Variants in DENND1C observed in about 807,000 individuals in gnomAD.
DENND1C encodes DENN domain containing 1C.
A neutral mutation model predicts 87.9 loss-of-function variants in DENND1C; 64 were observed. The observed-to-expected ratio is 0.73, with a 90% CI of 0.60 to 0.90. DENND1C has a LOEUF of 0.90. Ranked by LOEUF, DENND1C falls within the 40% of genes least tolerant of loss-of-function variation. The pLI is 0.00. For synonymous variants in DENND1C, 384 were observed against 424.4 expected (o/e 0.90, Z 1.17); for missense variants, 980 against 1,037.0 (o/e 0.95, Z 0.76).
At chr19:6,473,461 T>TTG (rs2092841060) in intron 14 of DENND1C, among the ~76,000 whole-genome samples, 1 of 36,558 alleles carries the variant, frequency 2.7e-5, no homozygotes, top group African/African-American at 6.3e-5. Context: ...CCCTGGTTTT[T>TTG]TTTTTTTTTT....
intron 14 of DENND1C, 57 bp from the exon 15 acceptor site, chr19:6,473,050 C>G: frequency 7.7e-7 from 1 of 1,294,542 alleles, no homozygotes. Flanking sequence ...CTCCCTCATT[C>G]TACTATATAT....
chr19:6,467,471 GA>G lies in DENND1C; in HGVS notation c.*32del. The G allele has an allele frequency of 1.3e-6, 2 of 1,490,430 alleles. No homozygotes were observed. The highest frequency in any genetic ancestry group is 1.8e-6 in the Non-Finnish European group (2 of 1,120,310). The allele number at this position is 1,490,430 out of a possible 1,614,324, so 92.3% of individuals were successfully genotyped here. A position where few individuals can be genotyped will look rare whatever the true frequency, so the allele number is the denominator to read the frequency against. On this transcript the variant is annotated 3_prime_UTR_variant, in exon 23 of 23. Coordinates refer to ENST00000381480, the MANE Select transcript of DENND1C (RefSeq NM_024898.4). Reference sequence around the variant, plus strand: ...TTTTTTGGGCTCTTGTGGCTTTATTGAGGGACTGGGGTCTCTCTTGGACCCC... The same window carrying G: ...TTTTTTGGGCTCTTGTGGCTTTATTGGGGACTGGGGTCTCTCTTGGACCCC...
At chr19:6,480,944 C>T (rs1332695177) in intron 1 of DENND1C, among the ~76,000 whole-genome samples, 1 of 143,676 alleles carries the variant, frequency 7.0e-6, no homozygotes, top group African/African-American at 2.5e-5. Flanking sequence ...AGTGTGTGTG[C>T]CCGAGCAAGT....
chr19:6,467,578 T>G lies in DENND1C; in HGVS notation c.2332A>C (p.Thr778Pro), dbSNP rs73920676. The G allele has an allele frequency of 2.1e-3, 3,382 of 1,605,566 alleles. 72 individuals are homozygous for G. The African/African-American group carries it at 0.041, about 20-fold the overall frequency. ...GGCTGGGACTTTTGACAGTTGCTGGTGGGTGTAGCAGGGGAATTCAGGGCT... is the reference window on the plus strand; with the variant it reads ...GGCTGGGACTTTTGACAGTTGCTGGGGGGTGTAGCAGGGGAATTCAGGGCT... ...PGALNSPATP[T>P]SNCQKSQPSS... is the part of the protein sequence containing the mutation. Residue 778 changes from threonine (T) to proline (P), a missense_variant, in exon 23 of 23, where the codon ACC (threonine) becomes CCC (proline). Transcript: ENST00000381480.
rs759200988 is a variant in DENND1C at position 6,481,688 on chromosome 19, G to A, written c.8C>T (p.Ser3Phe). The change falls in exon 1 of 23, where the codon TCC becomes TTC. Residue 3 changes from serine to phenylalanine, a missense_variant. Ser to Phe is a radical substitution (Grantham distance 155). Transcript: ENST00000381480. The part of the protein sequence containing the change: ME[S>F]RAEGGSPAVF... Reference sequence around the variant, plus strand: ...ATGGGGTGGCTCTTACTCAGCTCTGGATTCCATGGTCCCTGCAGGGCCAGC... The same window carrying A: ...ATGGGGTGGCTCTTACTCAGCTCTGAATTCCATGGTCCCTGCAGGGCCAGC... The A allele has an allele frequency of 4.4e-6, 7 of 1,604,462 alleles. No homozygotes were observed. Among genetic ancestry groups the A allele is most frequent in the Non-Finnish European group, 6.0e-6 (7 of 1,175,362 alleles).
At chr19:6,469,490 C>G in intron 19 of DENND1C, 106 bp downstream of exon 19, 1 of 1,121,778 alleles carries the variant, frequency 8.9e-7, no homozygotes, top group Non-Finnish European at 1.3e-6. Context: ...CACTATATTG[C>G]CCAAGCTGGT....
intron 4 of DENND1C, among the ~76,000 whole-genome samples, 181 bp from the exon 5 acceptor site, chr19:6,479,237 C>T (rs2092882660): frequency 6.6e-6 from 1 of 151,424 alleles, no homozygotes; most frequent in Non-Finnish European, 1.5e-5. Context: ...CCCTGGATCT[C>T]TGGGTCCCTG....
intron 11 of DENND1C, 38 bp from the exon 12 acceptor site, chr19:6,475,789 C>T (rs1361263203): frequency 6.5e-7 from 1 of 1,528,712 alleles, no homozygotes; most frequent in Admixed American, 2.1e-5. Context: ...AGGCACCGCC[C>T]CCAGGGCCTG....
intron 3 of DENND1C, 33 bp downstream of exon 3, chr19:6,479,826 C>G: frequency 6.2e-7 from 1 of 1,613,342 alleles, no homozygotes. Context: ...GACTGGCCCT[C>G]GCCCTGGGGG....
At chr19:6,468,704 T>C (rs2092810719) in intron 20 of DENND1C, 59 bp from the exon 21 acceptor site, 1 of 1,411,436 alleles carries the variant, frequency 7.1e-7, no homozygotes, top group Admixed American at 2.8e-5. Context: ...GGCTGAGGCT[T>C]GCTGGAGAAG....
intron 4 of DENND1C, among the ~76,000 whole-genome samples, chr19:6,479,431 G>GGTCCCTGT (rs1555750707): frequency 2.1e-5 from 3 of 142,064 alleles, no homozygotes; most frequent in Admixed American, 6.8e-5. Flanking sequence ...TGAGTCCCTG[G>GGTCCCTGT]GTCCCTGGGT....
At chr19:6,469,744 A>G (rs957338851) in intron 18 of DENND1C, 104 bp from the exon 19 acceptor site, 38 of 1,223,478 alleles carry the variant, frequency 3.1e-5, no homozygotes, top group East Asian at 2.6e-5. Flanking sequence ...TGCCATCTGC[A>G]TGTCTCAAAT....
rs2092801322 is a variant in DENND1C, at chr19:6,467,463, G to C, written c.*41C>G. On this transcript the variant is annotated 3_prime_UTR_variant, in exon 23 of 23. Coordinates refer to ENST00000381480, the MANE Select transcript of DENND1C (RefSeq NM_024898.4). ...AAACCAGCTTTTTTGGGCTCTTGTG[G>C]CTTTATTGAGGGACTGGGGTCTCTC... is the stretch of plus-strand genomic sequence containing the variant. The C allele has an allele frequency of 6.7e-7, 1 of 1,484,088 alleles. No individual in the cohort carries two copies. The highest frequency in any genetic ancestry group is 9.0e-7 in the Non-Finnish European group (1 of 1,116,988). 91.9% of individuals were successfully genotyped at this position (1,484,088 alleles called of 1,614,324 possible). A position where few individuals can be genotyped will look rare whatever the true frequency, so the allele number is the denominator to read the frequency against.
rs150554676 is a variant in DENND1C at position 6,468,580 on chromosome 19, C to G, written c.1581G>C (p.Ala527=). Residue 527 remains alanine (A), a splice_region_variant and synonymous_variant, in exon 21 of 23, where the codon GCG becomes GCC. Transcript: ENST00000381480. ...LEEGTSEPPG[A]GTPPLSPEDE... is the part of the protein sequence containing the mutation. ...CTGCTGTTCCCTTTTTGCCTTACCC[C>G]GCCCCTGGGGGCTCGGAAGTTCCCT... The G allele has an allele frequency of 6.5e-7, 1 of 1,537,264 alleles. No individual in the cohort carries two copies. The highest frequency in any genetic ancestry group is 1.4e-5 in the African/African-American group (1 of 72,646).
At chr19:6,478,756 C>T (rs775366941) in intron 6 of DENND1C, 27 bp downstream of exon 6, 3 of 1,601,922 alleles carry the variant, frequency 1.9e-6, no homozygotes, top group Admixed American at 1.7e-5. Flanking sequence ...GGGACTCCCA[C>T]AGGAGTGAGA....
rs1386701409 is a variant in DENND1C, at chr19:6,476,476, T to C, written c.678+381A>G. ...TTATCTGAGTCCCTGTGTTCCTAGGTCCCTGGGTATTCGGGTCCCTGGGTC... is the reference window on the plus strand; with the variant it reads ...TTATCTGAGTCCCTGTGTTCCTAGGCCCCTGGGTATTCGGGTCCCTGGGTC... On this transcript the variant is annotated intron_variant, in intron 10 of 22. Coordinates refer to ENST00000381480, the MANE Select transcript of DENND1C (RefSeq NM_024898.4). The C allele has an allele frequency of 1.5e-5, 3 of 203,366 alleles. No homozygotes were observed. In the East Asian group the frequency reaches 4.0e-4, roughly 27 times the overall value. 12.6% of individuals were successfully genotyped at this position (203,366 alleles called of 1,614,324 possible).
Position 6,467,696 on chromosome 19 carries a change from G to A in DENND1C, c.2214C>T (p.Ser738=), listed in dbSNP as rs1481603440. 6.6e-7 allele frequency: 1 copy of A among 1,520,688 alleles called. No homozygotes were observed. Among genetic ancestry groups the A allele is most frequent in the South Asian group, 1.3e-5 (1 of 75,274 alleles). The allele number at this position is 1,520,688 out of a possible 1,614,324, so 94.2% of individuals were successfully genotyped here. ...GGTCCTCCAGAGAACTGGGGTCTGA[G>A]GAAGGATCAAGGGGCTGGGACGTCC... ...IAWTSQPLDP[S]SDPSSLEDPR... Residue 738 remains serine, a synonymous_variant, in exon 23 of 23, where the codon TCC becomes TCT. Coordinates refer to ENST00000381480, the MANE Select transcript of DENND1C (RefSeq NM_024898.4).
chr19:6,474,025 T>C (rs548890573), intron 14 of DENND1C, among the ~76,000 whole-genome samples: 1 of 151,974 alleles, frequency 6.6e-6, no homozygotes, highest in East Asian at 1.9e-4. Context: ...TGAAACCCCA[T>C]CTGTACTAAA....
chr19:6,471,620 C>T (rs2092830161), intron 15 of DENND1C, 124 bp from the exon 16 acceptor site: 2 of 803,570 alleles, frequency 2.5e-6, no homozygotes, highest in Admixed American at 3.0e-5. Flanking sequence ...CCCCCAAGCA[C>T]CTGGGAAACT....
Sources: allele counts gnomAD v4.1 joint callset (sites outside exome capture counted in the v4.1 genomes callset), GRCh38; gene constraint gnomAD v4.1.1; transcripts MANE v1.5; gene names NCBI Gene and HGNC (gene_info 2026-07-23, HGNC 2026-07-21).